SPOCK3: variants seen among roughly 807,000 people sequenced by gnomAD.
SPOCK3 encodes testican-3.
In SPOCK3, 30 loss-of-function variants were observed where a neutral mutation model predicts 56.6. That is an observed-to-expected ratio of 0.53 (90% CI 0.40 to 0.72). The LOEUF (loss-of-function observed/expected upper bound fraction) is 0.72. SPOCK3 is among the 30% of genes least tolerant of loss of function. The probability of loss-of-function intolerance (pLI) is 0.00; values close to 1 mark genes in which losing one functional copy is unlikely to be tolerated. For missense variants in SPOCK3, 527 were observed against 530.0 expected (o/e 0.99, Z 0.06); for synonymous variants, 196 against 183.3 (o/e 1.07, Z -0.56).
At chr4:167,196,540 C>A (rs1343343963) in intron 2 of SPOCK3, among the ~76,000 whole-genome samples, 2 of 151,672 alleles carry the variant, frequency 1.3e-5, no homozygotes, top group African/African-American at 2.4e-5. Flanking sequence ...ATTTAGAGTG[C>A]CTTACTGAAT....
chr4:166,989,856 T>G (rs1046238635), intron 4 of SPOCK3, among the ~76,000 whole-genome samples: 3 of 152,190 alleles, frequency 2.0e-5, no homozygotes, highest in African/African-American at 7.2e-5. Context: ...TGAGGCTATT[T>G]CTTGGATGAT....
At chr4:166,953,805 A>T (rs1579784256) in intron 4 of SPOCK3, among the ~76,000 whole-genome samples, 1 of 150,784 alleles carries the variant, frequency 6.6e-6, no homozygotes, top group East Asian at 2.0e-4. Context: ...TGAAATTGGA[A>T]ATCATCATTC....
At chr4:166,775,729 AG>A (rs1739452163) in intron 7 of SPOCK3, among the ~76,000 whole-genome samples, 1 of 152,202 alleles carries the variant, frequency 6.6e-6, no homozygotes, top group South Asian at 2.1e-4. Context: ...GAAGTGAAAA[AG>A]GTCTATTCAC....
chr4:166,966,646 T>C (rs1744771369), intron 4 of SPOCK3, among the ~76,000 whole-genome samples: 1 of 152,220 alleles, frequency 6.6e-6, no homozygotes, highest in Non-Finnish European at 1.5e-5. Flanking sequence ...TCATCGTTTG[T>C]TGCCACTGCC....
At chr4:166,925,985 C>G (rs934581889) in intron 4 of SPOCK3, among the ~76,000 whole-genome samples, 2 of 152,122 alleles carry the variant, frequency 1.3e-5, no homozygotes, top group Non-Finnish European at 2.9e-5. Context: ...ATCAAATAAA[C>G]TTCTTCTCTA....
chr4:167,205,322 A>ATATTTTATATC (rs1734018253), intron 2 of SPOCK3, among the ~76,000 whole-genome samples: 1 of 50,590 alleles, frequency 2.0e-5, no homozygotes, highest in Non-Finnish European at 3.4e-5. Context: ...TATTTTATAT[A>ATATTTTATATC]TATAATATAT....
At chr4:167,067,473 T>G (rs917143628) in intron 2 of SPOCK3, among the ~76,000 whole-genome samples, 3 of 151,858 alleles carry the variant, frequency 2.0e-5, no homozygotes, top group African/African-American at 7.2e-5. Context: ...ATGGTAACTA[T>G]TTTTGTTACT....
rs151252353 is a variant in SPOCK3, at chr4:167,064,941, G to A, written c.190-2404C>T. 2.4e-3 allele frequency among the ~76,000 whole-genome samples: 353 copies of A among 145,422 alleles called. 6 individuals carry two copies. Among genetic ancestry groups the A allele is most frequent in the East Asian group, 0.019 (94 of 4,876 alleles). ...TGTCTTTGGGCAACACCACGGACAA[G>A]CTGTCATTACTGCTCACCAAATCCT... On this transcript the variant is annotated intron_variant, in intron 2 of 10. Transcript: ENST00000357545.
At chr4:167,135,091 ATG>A (rs1434689988) in intron 2 of SPOCK3, among the ~76,000 whole-genome samples, 21 of 149,794 alleles carry the variant, frequency 1.4e-4, no homozygotes, top group Non-Finnish European at 1.6e-4. Context: ...TATATAAAAT[ATG>A]TGTTTAATAT....
rs185048226 is a variant in SPOCK3, at chr4:166,746,617, C to A, written c.932-4558G>T. ...AACACATTCAAAAGCTAGCAGAAGG[C>A]AAGAAATAACTAAGATCAGAGAAGA... On this transcript the variant is annotated intron_variant, in intron 8 of 10. Coordinates refer to ENST00000357545, the MANE Select transcript of SPOCK3 (RefSeq NM_001040159.2). Among the ~76,000 whole-genome samples, 495 of 152,022 alleles carry A rather than the reference C, an allele frequency of 3.3e-3. 3 individuals are homozygous for A. The highest frequency in any genetic ancestry group is 0.011 in the African/African-American group (454 of 41,474).
chr4:167,012,785 A>G (rs1750217800), intron 3 of SPOCK3, among the ~76,000 whole-genome samples: 1 of 152,046 alleles, frequency 6.6e-6, no homozygotes, highest in Non-Finnish European at 1.5e-5. Flanking sequence ...GTTTAATAAT[A>G]AAGCATTAAA....
intron 2 of SPOCK3, among the ~76,000 whole-genome samples, chr4:167,072,389 T>C (rs1756768269): frequency 6.6e-6 from 1 of 151,984 alleles, no homozygotes; most frequent in South Asian, 2.1e-4. Flanking sequence ...GTTCAGTAGT[T>C]ATGACTGAGG....
chr4:167,031,649 C>A (rs536684862), intron 3 of SPOCK3, among the ~76,000 whole-genome samples: 1 of 151,810 alleles, frequency 6.6e-6, no homozygotes, highest in African/African-American at 2.4e-5. Context: ...GAGACAAGAC[C>A]GGGCATGAAG....
rs1730028815 is a variant in SPOCK3 at position 167,167,049 on chromosome 4, TA to T, written c.189+66935del. ...CCTCATATGATGTTTCATTTTATTTTATTTTTATTCTTGCTGGGGCAAGCTG... is the reference window on the plus strand; with the variant it reads ...CCTCATATGATGTTTCATTTTATTTTTTTTTATTCTTGCTGGGGCAAGCTG... On this transcript the variant is annotated intron_variant, in intron 2 of 10. Transcript: ENST00000357545. Among the ~76,000 whole-genome samples, 3 of 152,116 alleles carry T rather than the reference TA, an allele frequency of 2.0e-5. No individual in the cohort carries two copies. The South Asian group carries it at 6.2e-4, about 31-fold the overall frequency.
chr4:166,952,437 T>C (rs1264182892), intron 4 of SPOCK3, among the ~76,000 whole-genome samples: 2 of 152,008 alleles, frequency 1.3e-5, no homozygotes, highest in East Asian at 3.9e-4. Context: ...TAAAAGAGGA[T>C]ACAAACGAAT....
Position 166,797,233 on chromosome 4 carries a change from C to CTTT in SPOCK3, c.590-4947_590-4945dup, listed in dbSNP as rs1028695610. Among the ~76,000 whole-genome samples, 109 of 80,748 alleles carry CTTT rather than the reference C, an allele frequency of 1.3e-3. 1 individual carries two copies. The highest frequency in any genetic ancestry group is 1.8e-3 in the African/African-American group (39 of 21,330). The allele number at this position is 80,748 out of a possible 152,430, so 53.0% of individuals were successfully genotyped here. On this transcript the variant is annotated intron_variant, in intron 6 of 10. Transcript: ENST00000357545. The stretch of plus-strand genomic sequence containing the variant: ...TTAAGTGGCATGGATTTCCACCTTT[C>CTTT]TTTTTTTTTTTTTTTTTTTTTGAGA...
intron 6 of SPOCK3, among the ~76,000 whole-genome samples, chr4:166,876,656 T>C (rs909813883): frequency 1.2e-4 from 18 of 152,282 alleles, no homozygotes; most frequent in African/African-American, 4.3e-4. Flanking sequence ...TACTATATTA[T>C]AGCAAAAATT....
At chr4:166,789,506 A>G (rs1228038257) in intron 7 of SPOCK3, among the ~76,000 whole-genome samples, 1 of 152,164 alleles carries the variant, frequency 6.6e-6, no homozygotes, top group Non-Finnish European at 1.5e-5. Context: ...TTAAAAAATC[A>G]AAACCAAACT....
intron 2 of SPOCK3, among the ~76,000 whole-genome samples, chr4:167,096,529 G>A (rs1309755924): frequency 6.6e-6 from 1 of 151,652 alleles, no homozygotes; most frequent in Non-Finnish European, 1.5e-5. Context: ...TGATTTAGAA[G>A]TGTGTTCTTT....
Sources: allele counts gnomAD v4.1 joint callset (sites outside exome capture counted in the v4.1 genomes callset), GRCh38; gene constraint gnomAD v4.1.1; transcripts MANE v1.5; gene names NCBI Gene and HGNC (gene_info 2026-07-23, HGNC 2026-07-21).